CDKN2B-AS1: variants seen among roughly 807,000 people sequenced by gnomAD.
CDKN2B-AS1 encodes the protein CDKN2B antisense RNA 1 (non-protein coding).
intron 1 of CDKN2B-AS1, among the ~76,000 whole-genome samples, chr9:22,018,762 T>G (rs1316612894): frequency 6.6e-6 from 1 of 152,228 alleles, no homozygotes; most frequent in Non-Finnish European, 1.5e-5. Flanking sequence ...TTAGCAATAA[T>G]GTGAACATGA....
chr9:22,124,793 C>T (rs1285030106), intron 4 of CDKN2B-AS1, among the ~76,000 whole-genome samples: 1 of 152,166 alleles, frequency 6.6e-6, no homozygotes, highest in Non-Finnish European at 1.5e-5. Flanking sequence ...CAAGTGTGGC[C>T]TGCCTTCAAG....
At chr9:22,047,290 C>T (rs888639114) in intron 2 of CDKN2B-AS1, among the ~76,000 whole-genome samples, 7 of 152,134 alleles carry the variant, frequency 4.6e-5, no homozygotes, top group African/African-American at 1.7e-4. Flanking sequence ...AGGAGACACT[C>T]ATTATTTGCA....
intron 4 of CDKN2B-AS1, among the ~76,000 whole-genome samples, chr9:22,113,008 C>T (rs1342528996): frequency 3.3e-5 from 5 of 152,208 alleles, no homozygotes; most frequent in Middle Eastern, 3.4e-3. Flanking sequence ...AAAATAGTGA[C>T]GAAGTGAGAA....
At chr9:22,033,204 C>G (rs1302079869) in intron 1 of CDKN2B-AS1, among the ~76,000 whole-genome samples, 1 of 152,094 alleles carries the variant, frequency 6.6e-6, no homozygotes, top group Non-Finnish European at 1.5e-5. Flanking sequence ...TTTACGAAAC[C>G]AGTCCCTGGT....
At chr9:22,063,521 G>A (rs956554264) in intron 4 of CDKN2B-AS1, among the ~76,000 whole-genome samples, 2 of 152,178 alleles carry the variant, frequency 1.3e-5, no homozygotes, top group Admixed American at 1.3e-4. Flanking sequence ...CCATATGTTT[G>A]TTGTGACAAT....
At chr9:22,079,969 A>G (rs1587503536) in intron 4 of CDKN2B-AS1, among the ~76,000 whole-genome samples, 1 of 152,258 alleles carries the variant, frequency 6.6e-6, no homozygotes, top group South Asian at 2.1e-4. Flanking sequence ...ATGCCTTATG[A>G]AAACGAATTT....
At chr9:22,085,556 TA>T (rs1202512387) in intron 4 of CDKN2B-AS1, among the ~76,000 whole-genome samples, 27 of 151,964 alleles carry the variant, frequency 1.8e-4, no homozygotes, top group African/African-American at 6.3e-4. Flanking sequence ...CCGTCTCTAC[TA>T]AAAAATACAA....
rs746204640 is a variant in CDKN2B-AS1 at position 21,996,777 on chromosome 9, A to G, written n.29+1616A>G. 6.6e-6 allele frequency among the ~76,000 whole-genome samples: 1 copy of G among 152,198 alleles called. No homozygotes were observed. Among genetic ancestry groups the G allele is most frequent in the Non-Finnish European group, 1.5e-5 (1 of 68,032 alleles). On this transcript the variant is annotated intron_variant and non_coding_transcript_variant, in intron 1 of 4. Transcript: ENST00000650946. The surrounding 1 kb of genome is among the most constrained non-coding windows in gnomAD (Gnocchi z 5.4). ...AAAGGGTTAGTTCATCCTGGAAGAAAAACGATGTCGGATGCCAGCATAGTG... is the reference window on the plus strand; with the variant it reads ...AAAGGGTTAGTTCATCCTGGAAGAAGAACGATGTCGGATGCCAGCATAGTG...
chr9:22,083,759 A>G (rs982994346), intron 4 of CDKN2B-AS1, among the ~76,000 whole-genome samples: 9 of 152,118 alleles, frequency 5.9e-5, no homozygotes, highest in African/African-American at 2.2e-4. Flanking sequence ...AGGGTAGGTA[A>G]GATGCTGAGT....
At chr9:22,118,017 G>A (rs1825998295) in intron 4 of CDKN2B-AS1, 1 of 152,362 alleles carries the variant, frequency 6.6e-6, no homozygotes, top group Non-Finnish European at 1.5e-5. Context: ...TAAAACTGCA[G>A]GATGGGTAGC....
chr9:22,108,561 G>T (rs1825720077), intron 4 of CDKN2B-AS1, among the ~76,000 whole-genome samples: 1 of 152,150 alleles, frequency 6.6e-6, no homozygotes, highest in African/African-American at 2.4e-5. Context: ...CTCAAACCTA[G>T]CTCCCCTTAA....
At chr9:22,045,736 C>G (rs776798313) in intron 1 of CDKN2B-AS1, among the ~76,000 whole-genome samples, 3 of 151,878 alleles carry the variant, frequency 2.0e-5, no homozygotes, top group Admixed American at 1.3e-4. Context: ...ATATTCTTCA[C>G]CAAAAACTAT....
chr9:22,044,634 T>G (rs1258795367), intron 1 of CDKN2B-AS1, among the ~76,000 whole-genome samples: 3 of 152,060 alleles, frequency 2.0e-5, no homozygotes, highest in Non-Finnish European at 4.4e-5. Flanking sequence ...AATGCATCCT[T>G]CTTTTAATCC....
intron 4 of CDKN2B-AS1, among the ~76,000 whole-genome samples, chr9:22,093,461 C>T (rs1303344842): frequency 3.4e-5 from 4 of 116,956 alleles, no homozygotes; most frequent in African/African-American, 7.8e-5. Context: ...GTCTAAGTCT[C>T]CTTGTAGGTT....
Position 22,005,242 on chromosome 9 carries a change from G to A in CDKN2B-AS1, n.29+10081G>A, listed in dbSNP as rs891973269. 4 of 234,362 alleles carry A rather than the reference G, an allele frequency of 1.7e-5. No individual in the cohort carries two copies. Among genetic ancestry groups the A allele is most frequent in the Non-Finnish European group, 3.4e-5 (4 of 118,984 alleles). The allele number at this position is 234,362 out of a possible 1,614,324, so 14.5% of individuals were successfully genotyped here. On this transcript the variant is annotated intron_variant and non_coding_transcript_variant, in intron 1 of 4. Transcript: ENST00000650946. The surrounding 1 kb of genome is among the most constrained non-coding windows in gnomAD (Gnocchi z 4.9). ...CGGAACCCGCGGGAATCTCTCCTCA[G>A]TGTAGTAAGAGCAAAGGCCAGCATC...
intron 4 of CDKN2B-AS1, among the ~76,000 whole-genome samples, chr9:22,062,954 T>TTG (rs571212371): frequency 7.2e-5 from 10 of 139,302 alleles, no homozygotes; most frequent in South Asian, 2.4e-4. Flanking sequence ...GAAAAGTGAC[T>TTG]TGTGTGTGTG....
chr9:22,114,367 TGAGA>T (rs1002151982), intron 4 of CDKN2B-AS1, among the ~76,000 whole-genome samples: 2 of 152,132 alleles, frequency 1.3e-5, no homozygotes, highest in Admixed American at 1.3e-4. Context: ...TCAGGTCCTC[TGAGA>T]GAAAGATGTT....
intron 4 of CDKN2B-AS1, among the ~76,000 whole-genome samples, chr9:22,094,277 A>C (rs1322164698): frequency 1.4e-5 from 2 of 143,344 alleles, no homozygotes; most frequent in African/African-American, 5.9e-5. Context: ...AACTTTGGCA[A>C]ATCCGACAAT....
intron 4 of CDKN2B-AS1, among the ~76,000 whole-genome samples, chr9:22,057,224 G>A (rs983625558): frequency 2.2e-4 from 34 of 152,058 alleles, no homozygotes; most frequent in African/African-American, 8.2e-4. Context: ...TTGTTCAGCA[G>A]AGCTATGTAT....
Sources: gnomAD v4.1 joint callset for allele counts (sites outside exome capture counted in the v4.1 genomes callset) on GRCh38, gnomAD v4.1.1 for gene constraint, Gnocchi (gnomAD v3.1) non-coding constraint, MANE v1.5 for transcripts, NCBI Gene and HGNC (gene_info 2026-07-23, HGNC 2026-07-21) for gene names.